Variants in PCDHGA10 observed in about 807,000 individuals in gnomAD.
The protein encoded by PCDHGA10 is protocadherin gamma-A10.
PCDHGA10 carries 42 observed loss-of-function variants against 59.5 expected under a neutral mutation model. That is an observed-to-expected ratio of 0.71 (90% CI 0.55 to 0.91). The LOEUF (loss-of-function observed/expected upper bound fraction) is 0.91. PCDHGA10 is among the 40% of genes least tolerant of loss of function. PCDHGA10 has a pLI of 0.00. For missense variants in PCDHGA10, 1,111 were observed against 1,198.2 expected (o/e 0.93, Z 1.07); for synonymous variants, 511 against 517.2 (o/e 0.99, Z 0.16).
intron 1 of PCDHGA10, among the ~76,000 whole-genome samples, chr5:141,444,402 C>T (rs916833331): frequency 6.6e-6 from 1 of 151,932 alleles, no homozygotes; most frequent in African/African-American, 2.4e-5. Flanking sequence ...AACTCCCAAC[C>T]TCAGGTGATC....
chr5:141,478,461 T>C, intron 1 of PCDHGA10: 1 of 1,613,254 alleles, frequency 6.2e-7, no homozygotes, highest in East Asian at 2.2e-5. Flanking sequence ...GCCAGTCCAC[T>C]GGCCAGCCGC....
intron 1 of PCDHGA10, among the ~76,000 whole-genome samples, chr5:141,439,459 A>ACTG (rs1234039449): frequency 6.6e-6 from 1 of 152,222 alleles, no homozygotes; most frequent in Non-Finnish European, 1.5e-5. Flanking sequence ...GCAAGACTGC[A>ACTG]CTGCTGCCTT....
intron 1 of PCDHGA10, chr5:141,478,150 C>T (rs569939900): frequency 6.2e-7 from 1 of 1,614,086 alleles, no homozygotes; most frequent in African/African-American, 1.3e-5. Flanking sequence ...CCGAGTTCCC[C>T]TCTGGCTCTG....
At chr5:141,456,220 T>C (rs965297694) in intron 1 of PCDHGA10, among the ~76,000 whole-genome samples, 1 of 152,098 alleles carries the variant, frequency 6.6e-6, no homozygotes, top group Admixed American at 6.6e-5. Context: ...TGTGGCGATA[T>C]CAAACTAACT....
At chr5:141,456,421 A>C (rs1358944131) in intron 1 of PCDHGA10, among the ~76,000 whole-genome samples, 1 of 152,150 alleles carries the variant, frequency 6.6e-6, no homozygotes, top group Non-Finnish European at 1.5e-5. Context: ...GAAACAATTC[A>C]AGTTATAGTA....
chr5:141,425,943 C>T (rs2096904576), intron 1 of PCDHGA10, among the ~76,000 whole-genome samples: 1 of 152,220 alleles, frequency 6.6e-6, no homozygotes, highest in African/African-American at 2.4e-5. Flanking sequence ...TGTCTAGTTT[C>T]CTATACATTA....
chr5:141,478,642 T>A (rs777741719), intron 1 of PCDHGA10: 1 of 1,552,350 alleles, frequency 6.4e-7, no homozygotes, highest in South Asian at 1.2e-5. Context: ...GTGATGAAGA[T>A]GTTTTCCTGG....
chr5:141,437,252 CTT>C (rs1030396727), intron 1 of PCDHGA10, among the ~76,000 whole-genome samples: 3 of 152,268 alleles, frequency 2.0e-5, no homozygotes, highest in Admixed American at 6.5e-5. Context: ...CTTTCCTTGT[CTT>C]TTTATGTGTA....
chr5:141,505,925 C>T (rs1161562658), intron 3 of PCDHGA10, among the ~76,000 whole-genome samples: 4 of 152,140 alleles, frequency 2.6e-5, no homozygotes, highest in Admixed American at 1.3e-4. Context: ...CTGGGCCTGG[C>T]GCTTGGAAGC....
chr5:141,419,165 A>G, intron 1 of PCDHGA10: 1 of 1,613,978 alleles, frequency 6.2e-7, no homozygotes, highest in Non-Finnish European at 8.5e-7. Flanking sequence ...ATCCTCCAGC[A>G]AAACCATAAC....
chr5:141,435,952 G>A lies in PCDHGA10; in HGVS notation c.2436+20341G>A, dbSNP rs944960593. ...TTGCTGCTTCTGAGACCAAAAAAGG[G>A]GGCAAAATATAGAGTGTGTGGTTCT... is the stretch of plus-strand genomic sequence containing the variant. On this transcript the variant is annotated intron_variant, in intron 1 of 3. Transcript: ENST00000398610. Among the ~76,000 whole-genome samples the A allele has an allele frequency of 2.6e-5, 4 of 152,098 alleles. No individual in the cohort carries two copies. The South Asian group carries it at 8.3e-4, about 32-fold the overall frequency.
rs775204388 is a variant in PCDHGA10, at chr5:141,490,235, G to T, written c.2437-4572G>T. On this transcript the variant is annotated intron_variant, in intron 1 of 3. Transcript: ENST00000398610. This position sits in a 1 kb window ranked among gnomAD's most constrained non-coding sequence, Gnocchi z 5.4. ...GACCAGGGACAGCCTGCCATGGAGG[G>T]CCACTGTGTGATTCAAGTGGATGTG... 1 of 1,614,228 alleles carries T rather than the reference G, an allele frequency of 6.2e-7. No homozygotes were observed. The highest frequency in any genetic ancestry group is 1.1e-5 in the South Asian group (1 of 91,084).
rs2095943632 is a variant in PCDHGA10 at position 141,415,767 on chromosome 5, TTTTTTACTTTC to T, written c.2436+158_2436+168del. ...TTTTTTTTTTTTTTTTTTTTTTTTT[TTTTTTACTTTC>T]TGGTAAAATTCACCTAGTCTCAATC... is the stretch of plus-strand genomic sequence containing the variant. On this transcript the variant is annotated intron_variant, in intron 1 of 3. Transcript: ENST00000398610. 3.1e-6 allele frequency: 4 copies of T among 1,300,754 alleles called. No individual in the cohort carries two copies. The Admixed American group carries it at 1.4e-4, about 46-fold the overall frequency. The allele number at this position is 1,300,754 out of a possible 1,614,324, so 80.6% of individuals were successfully genotyped here.
rs999463482 is a variant in PCDHGA10, at chr5:141,506,400, T to C, written c.2584+919T>C. ...GGAGGTGGCTGTGGTGAGCAGAAAATCGCACCACTGCACTCCAGCCTGGGC... is the reference window on the plus strand; with the variant it reads ...GGAGGTGGCTGTGGTGAGCAGAAAACCGCACCACTGCACTCCAGCCTGGGC... On this transcript the variant is annotated intron_variant, in intron 3 of 3. Coordinates refer to ENST00000398610, the MANE Select transcript of PCDHGA10 (RefSeq NM_018913.3). 1.2e-4 allele frequency among the ~76,000 whole-genome samples: 16 copies of C among 135,754 alleles called. No homozygotes were observed. In the Admixed American group the frequency reaches 1.3e-3, roughly 11 times the overall value. The allele number at this position is 135,754 out of a possible 152,430, so 89.1% of individuals were successfully genotyped here.
chr5:141,488,175 T>C (rs889217562), intron 1 of PCDHGA10, among the ~76,000 whole-genome samples: 1 of 152,168 alleles, frequency 6.6e-6, no homozygotes, highest in Non-Finnish European at 1.5e-5. Context: ...AGTGGTGGCA[T>C]AGATCTTTTG....
At chr5:141,451,302 G>A (rs1445994098) in intron 1 of PCDHGA10, among the ~76,000 whole-genome samples, 1 of 152,208 alleles carries the variant, frequency 6.6e-6, no homozygotes, top group Non-Finnish European at 1.5e-5. Context: ...GTCTTACAAG[G>A]CAGCAATTAA....
intron 1 of PCDHGA10, among the ~76,000 whole-genome samples, chr5:141,420,762 T>A (rs1221355822): frequency 6.6e-6 from 1 of 152,222 alleles, no homozygotes; most frequent in Non-Finnish European, 1.5e-5. Context: ...AACCTACAAG[T>A]TTTCAGCTCC....
intron 1 of PCDHGA10, chr5:141,427,949 C>T (rs2097092193): frequency 1.3e-6 from 2 of 1,586,882 alleles, no homozygotes; most frequent in South Asian, 1.1e-5. Context: ...ACCTCAATGA[C>T]AATGTGCCGC....
chr5:141,421,760 A>G, intron 1 of PCDHGA10: 1 of 1,613,868 alleles, frequency 6.2e-7, no homozygotes, highest in South Asian at 1.1e-5. Context: ...CCTAATAATT[A>G]CTTTTCCTTG....
Sources: allele counts gnomAD v4.1 joint callset (sites outside exome capture counted in the v4.1 genomes callset), GRCh38; gene constraint gnomAD v4.1.1; non-coding constraint Gnocchi (gnomAD v3.1); transcripts MANE v1.5; gene names NCBI Gene and HGNC (gene_info 2026-07-23, HGNC 2026-07-21).